Variants in ANK2 observed in about 807,000 individuals in gnomAD.
The protein encoded by ANK2 is ankyrin-2.
A neutral mutation model predicts 360.5 loss-of-function variants in ANK2; 83 were observed. That is an observed-to-expected ratio of 0.23 (90% CI 0.19 to 0.28). The LOEUF is 0.28. ANK2 is among the 10% of genes least tolerant of loss of function. The probability of loss-of-function intolerance (pLI) is 1.00; values close to 1 mark genes in which losing one functional copy is unlikely to be tolerated. For missense variants in ANK2, 4,201 were observed against 4,795.7 expected (o/e 0.88, Z 3.66); for synonymous variants, 1,740 against 1,759.5 (o/e 0.99, Z 0.28).
At chr4:113,333,231 A>G (rs1234104924) in intron 29 of ANK2, 23 bp downstream of exon 29, 6 of 1,613,696 alleles carry the variant, frequency 3.7e-6, no homozygotes, top group African/African-American at 1.3e-5. Flanking sequence ...GAAGCGTTTT[A>G]AAAGAAATCT....
At chr4:112,747,119 T>G in the ANK2 span, among the ~76,000 whole-genome samples, 15 of 152,162 alleles carry the variant, frequency 9.9e-5, no homozygotes, top group Admixed American at 7.9e-4. Context: ...CCTAACAGCA[T>G]AAGTCATAAT....
intron 2 of ANK2, among the ~76,000 whole-genome samples, chr4:113,186,259 C>T (rs867570518): frequency 5.9e-4 from 89 of 152,136 alleles, no homozygotes; most frequent in African/African-American, 2.0e-3. Flanking sequence ...CCCAGGCAAA[C>T]GATCTGGAGT....
chr4:112,815,162 C>T (rs7689162), upstream of ANK2, among the ~76,000 whole-genome samples: 111,782 of 151,964 alleles, frequency 0.74, 42,133 homozygotes, highest in East Asian at 0.97. Context: ...ATTACAGGTG[C>T]AAGCCACCAC....
intron 1 of ANK2, among the ~76,000 whole-genome samples, chr4:112,819,197 G>C (rs577816687): frequency 6.6e-6 from 1 of 152,314 alleles, no homozygotes; most frequent in Admixed American, 6.5e-5. Context: ...AATGTGTGTG[G>C]TTGGAAGGAG....
chr4:112,868,880 A>T (rs551225312), intron 1 of ANK2, among the ~76,000 whole-genome samples: 1 of 152,170 alleles, frequency 6.6e-6, no homozygotes, highest in African/African-American at 2.4e-5. Context: ...GTTTTTATAT[A>T]TTATGGATAC....
Position 113,357,894 on chromosome 4 carries a change from G to A in ANK2, c.9276G>A (p.Gly3092=). Residue 3092 remains glycine, a synonymous_variant, in exon 38 of 46, where the codon GGG becomes GGA. Coordinates refer to ENST00000357077, the MANE Select transcript of ANK2 (RefSeq NM_001148.6). ...CTGCTAGGACCCCAACTGAAGAGGG[G>A]ACCCCAACAAGTGAGCAAAACCCAT... ...TTPARTPTEE[G]TPTSEQNPFL... is the part of the protein sequence containing the mutation. 1.2e-6 allele frequency: 2 copies of A among 1,614,056 alleles called. No individual in the cohort carries two copies. The highest frequency in any genetic ancestry group is 1.1e-5 in the South Asian group (1 of 91,088).
the ANK2 span, among the ~76,000 whole-genome samples, chr4:112,784,504 C>A: frequency 6.6e-6 from 1 of 152,056 alleles, no homozygotes; most frequent in South Asian, 2.1e-4. Flanking sequence ...CCACCACTCC[C>A]GGCTAATTTT....
intron 1 of ANK2, among the ~76,000 whole-genome samples, chr4:113,086,688 A>T (rs889661152): frequency 1.3e-5 from 2 of 152,238 alleles, no homozygotes; most frequent in African/African-American, 2.4e-5. Flanking sequence ...ACAGAAAGGG[A>T]CAGAGAGTGA....
chr4:113,047,084 G>A (rs781077052), upstream of ANK2, among the ~76,000 whole-genome samples: 1 of 152,124 alleles, frequency 6.6e-6, no homozygotes, highest in Non-Finnish European at 1.5e-5. Context: ...TTTCCATTTT[G>A]CTTCTTCTTT....
intron 2 of ANK2, among the ~76,000 whole-genome samples, chr4:113,024,029 T>G (rs2058728566): frequency 6.6e-6 from 1 of 152,180 alleles, no homozygotes. Context: ...AAATTTGTTT[T>G]GTGTGAAAGG....
At chr4:113,090,470 C>A (rs909152263) in intron 1 of ANK2, among the ~76,000 whole-genome samples, 4 of 152,036 alleles carry the variant, frequency 2.6e-5, no homozygotes, top group Admixed American at 1.3e-4. Context: ...TGAAAATTAA[C>A]CCTGAACTAT....
rs189343205 is a variant in ANK2 at position 113,134,089 on chromosome 4, C to T, written c.85-40327C>T. ...TTATCAAGTGCTGAAACCATCTATA[C>T]TACTAGCACCTCCAATGATCAAAAT... On this transcript the variant is annotated intron_variant, in intron 1 of 45. Coordinates refer to ENST00000357077, the MANE Select transcript of ANK2 (RefSeq NM_001148.6). Among the ~76,000 whole-genome samples the T allele has an allele frequency of 5.6e-3, 850 of 152,090 alleles. 1 individual carries two copies. The highest frequency in any genetic ancestry group is 8.6e-3 in the Non-Finnish European group (587 of 67,982).
intron 2 of ANK2, among the ~76,000 whole-genome samples, chr4:113,176,851 A>G (rs1006688225): frequency 6.6e-6 from 1 of 152,034 alleles, no homozygotes; most frequent in African/African-American, 2.4e-5. Context: ...TCATTGTTCA[A>G]TTCCCAGTTA....
In ANK2 at chr4:113,230,572, C is replaced by T. The variant is rs74535979; in HGVS notation, c.385-1589C>T. 2.0e-3 allele frequency among the ~76,000 whole-genome samples: 311 copies of T among 152,116 alleles called. 1 individual carries two copies. Among genetic ancestry groups the T allele is most frequent in the Admixed American group, 3.7e-3 (57 of 15,286 alleles). On this transcript the variant is annotated intron_variant, in intron 4 of 45. Coordinates refer to ENST00000357077, the MANE Select transcript of ANK2 (RefSeq NM_001148.6). ...TTTTTAAAAATCTCTGAACGCTGAT[C>T]TGTGTTTTTACTTATTCTCGTTAAT...
chr4:113,367,523 AT>A (rs1265087339), intron 41 of ANK2, 42 bp from the exon 42 acceptor site: 1 of 1,581,556 alleles, frequency 6.3e-7, no homozygotes, highest in East Asian at 2.2e-5. Context: ...TCCATTCAAT[AT>A]AGGTAAGCTT....
chr4:113,068,397 G>A (rs1046109763), intron 1 of ANK2, among the ~76,000 whole-genome samples: 17 of 152,134 alleles, frequency 1.1e-4, no homozygotes, highest in Non-Finnish European at 2.5e-4. Context: ...ACCCTTGTTT[G>A]CTTGTACCAT....
chr4:113,279,701 T>A (rs2061528363), intron 17 of ANK2, among the ~76,000 whole-genome samples: 1 of 148,342 alleles, frequency 6.7e-6, no homozygotes, highest in South Asian at 2.1e-4. Flanking sequence ...TATATATAAA[T>A]ATATTATATA....
intron 1 of ANK2, among the ~76,000 whole-genome samples, chr4:113,171,891 G>T (rs1214875449): frequency 1.3e-5 from 2 of 152,118 alleles, no homozygotes; most frequent in Non-Finnish European, 2.9e-5. Context: ...GACCATCATT[G>T]CCACTCCAGG....
chr4:113,021,539 A>AAT (rs2058121361), intron 2 of ANK2, among the ~76,000 whole-genome samples: 2 of 108,676 alleles, frequency 1.8e-5, no homozygotes, highest in African/African-American at 7.3e-5. Context: ...CCCACACACA[A>AAT]ACATATATAT....
Sources: allele counts gnomAD v4.1 joint callset (sites outside exome capture counted in the v4.1 genomes callset), GRCh38; gene constraint gnomAD v4.1.1; transcripts MANE v1.5; gene names NCBI Gene and HGNC (gene_info 2026-07-23, HGNC 2026-07-21).